CIMIP6: variants seen among roughly 807,000 people sequenced by gnomAD.
CIMIP6 encodes the protein uncharacterized protein C2orf73.
the CIMIP6 span, chr2:54,361,501 A>G: frequency 1.3e-5 from 2 of 152,196 alleles, no homozygotes; most frequent in African/African-American, 2.4e-5. Flanking sequence ...GCTGCTCACT[A>G]TTATCTGCAG....
the CIMIP6 span, among the ~76,000 whole-genome samples, chr2:54,354,898 T>C: frequency 6.6e-6 from 1 of 152,054 alleles, no homozygotes; most frequent in Non-Finnish European, 1.5e-5. Context: ...TACTTAGAAT[T>C]TTCTGTTCTT....
At chr2:54,343,474 TAGAA>T in the CIMIP6 span, among the ~76,000 whole-genome samples, 13 of 152,322 alleles carry the variant, frequency 8.5e-5, no homozygotes, top group African/African-American at 2.6e-4. Flanking sequence ...CATTTGTTGA[TAGAA>T]GGAAGGTAGC....
the CIMIP6 span, among the ~76,000 whole-genome samples, chr2:54,333,170 T>A: frequency 6.6e-6 from 1 of 152,194 alleles, no homozygotes; most frequent in Non-Finnish European, 1.5e-5. Flanking sequence ...ATGGAACTTA[T>A]TGACTAGTAA....
chr2:54,382,066 A>G, the CIMIP6 span: 3 of 1,404,134 alleles, frequency 2.1e-6, no homozygotes, highest in South Asian at 5.1e-5. Context: ...AAGTGGCTGA[A>G]GAGAACTTAA....
At chr2:54,333,383 G>C in the CIMIP6 span, among the ~76,000 whole-genome samples, 206 of 152,270 alleles carry the variant, frequency 1.4e-3, 1 homozygote, top group Non-Finnish European at 2.0e-3. Flanking sequence ...AGCTGGGGAA[G>C]AGCTGTCCAG....
At chr2:54,331,256 T>C in the CIMIP6 span, among the ~76,000 whole-genome samples, 1 of 152,150 alleles carries the variant, frequency 6.6e-6, no homozygotes, top group East Asian at 1.9e-4. Context: ...TTCTCACAAT[T>C]ATTAGCAGAT....
the CIMIP6 span, among the ~76,000 whole-genome samples, chr2:54,342,456 A>G: frequency 5.9e-5 from 9 of 152,098 alleles, no homozygotes; most frequent in African/African-American, 1.9e-4. Flanking sequence ...AAAATTTTAT[A>G]AATTTATAAA....
chr2:54,372,878 T>C, the CIMIP6 span, among the ~76,000 whole-genome samples: 1 of 152,154 alleles, frequency 6.6e-6, no homozygotes, highest in Non-Finnish European at 1.5e-5. Context: ...CTTGGTATGT[T>C]TCAAACCAGG....
chr2:54,335,022 C>CA, the CIMIP6 span: 1 of 1,588,086 alleles, frequency 6.3e-7, no homozygotes, highest in Non-Finnish European at 8.6e-7. Flanking sequence ...GCCAGAAATA[C>CA]AGGTTGGACA....
chr2:54,366,399 A>G, the CIMIP6 span, among the ~76,000 whole-genome samples: 1 of 152,212 alleles, frequency 6.6e-6, no homozygotes, highest in Non-Finnish European at 1.5e-5. Context: ...ATAAACTTCT[A>G]TCTTGTATAA....
chr2:54,381,009 A>G, the CIMIP6 span, among the ~76,000 whole-genome samples: 1 of 152,076 alleles, frequency 6.6e-6, no homozygotes, highest in Non-Finnish European at 1.5e-5. Flanking sequence ...GAATGACTGT[A>G]TTCCTATTTC....
the CIMIP6 span, among the ~76,000 whole-genome samples, chr2:54,345,209 C>G: frequency 6.5e-4 from 99 of 152,134 alleles, 1 homozygote; most frequent in Middle Eastern, 3.4e-3. Context: ...AGCAGGGGAG[C>G]CTTCATAAGG....
chr2:54,354,600 AT>A, the CIMIP6 span, among the ~76,000 whole-genome samples: 1 of 152,018 alleles, frequency 6.6e-6, no homozygotes, highest in Non-Finnish European at 1.5e-5. Flanking sequence ...CTAAGAATAT[AT>A]GTTATTTTTC....
chr2:54,377,873 G>A, the CIMIP6 span, among the ~76,000 whole-genome samples: 1 of 152,040 alleles, frequency 6.6e-6, no homozygotes, highest in East Asian at 1.9e-4. Flanking sequence ...ATTAGCTGTG[G>A]GATTGTTGTA....
At chr2:54,379,328 T>G in the CIMIP6 span, among the ~76,000 whole-genome samples, 1 of 152,216 alleles carries the variant, frequency 6.6e-6, no homozygotes, top group Non-Finnish European at 1.5e-5. Context: ...TCACATTTTA[T>G]CCTTTGGCTT....
chr2:54,360,702 C>T, the CIMIP6 span: 1 of 903,598 alleles, frequency 1.1e-6, no homozygotes, highest in Non-Finnish European at 1.6e-6. Flanking sequence ...AGAAAAAAGA[C>T]AATTAAAATA....
the CIMIP6 span, among the ~76,000 whole-genome samples, chr2:54,359,296 G>C: frequency 6.6e-6 from 1 of 152,094 alleles, no homozygotes; most frequent in Admixed American, 6.6e-5. Flanking sequence ...GGGTGAGGTG[G>C]GAGAGTTGCT....
At chr2:54,381,729 T>C in the CIMIP6 span, 2 of 1,376,568 alleles carry the variant, frequency 1.5e-6, no homozygotes, top group Non-Finnish European at 1.9e-6. Context: ...CTTTTGAGGC[T>C]TGAATGACTT....
the CIMIP6 span, among the ~76,000 whole-genome samples, chr2:54,381,361 T>C: frequency 1.3e-5 from 2 of 152,228 alleles, no homozygotes; most frequent in Non-Finnish European, 2.9e-5. Context: ...CCTGTTTCTT[T>C]ACTTACCATA....
Sources: gnomAD v4.1 joint callset for allele counts (sites outside exome capture counted in the v4.1 genomes callset) on GRCh38, gnomAD v4.1.1 for gene constraint, MANE v1.5 for transcripts, NCBI Gene and HGNC (gene_info 2026-07-23, HGNC 2026-07-21) for gene names.